Variants in DST observed in about 807,000 individuals in gnomAD.
DST encodes the protein dystonin.
DST carries 253 observed loss-of-function variants against 875.2 expected under a neutral mutation model. The observed-to-expected ratio is 0.29, with a 90% CI of 0.26 to 0.32. DST has a LOEUF of 0.32. Among genes scored for constraint, DST ranks in the 10% least tolerant of loss-of-function variants. The pLI is 1.00. For synonymous variants in DST, 3,124 were observed against 3,197.1 expected (o/e 0.98, Z 0.77); for missense variants, 8,287 against 9,111.6 (o/e 0.91, Z 3.68).
intron 17 of DST, 126 bp downstream of exon 17, chr6:56,641,821 A>T (rs747037871): frequency 1.3e-6 from 1 of 755,778 alleles, no homozygotes; most frequent in South Asian, 2.3e-5. Context: ...TGTGACACAC[A>T]TTTTCAACTA....
In DST at chr6:56,493,883, T is replaced by C. The variant is rs916905631; in HGVS notation, c.20394+127A>G. On this transcript the variant is annotated intron_variant, in intron 83 of 103. Transcript: ENST00000680361. ...CTACCCCATGAAATCTCCAAATATA[T>C]ACAAAAAATGTTTAAACATAAATCA... The C allele has an allele frequency of 3.7e-5, 25 of 684,148 alleles. No homozygotes were observed. In the Admixed American group the frequency reaches 5.7e-4, roughly 16 times the overall value. 42.4% of individuals were successfully genotyped at this position (684,148 alleles called of 1,614,324 possible).
Position 56,604,354 on chromosome 6 carries a change from T to A in DST, c.10274A>T (p.Glu3425Val). ...SGVSPMTNSSELKPESRDDPF... is the reference protein window; with the variant it reads ...SGVSPMTNSSVLKPESRDDPF... ...ATCATCTCTACTTTCTGGCTTTAGT[T>A]CTGATGAGTTAGTCATGGGGGAAAC... Residue 3425 changes from glutamate (E) to valine (V), a missense_variant, in exon 40 of 104, where the codon GAA (glutamate) becomes GTA (valine). Glu to Val is a moderately radical substitution (Grantham distance 121). This residue lies in a region of DST where 3,138 missense variants were observed against 3,116.6 expected (regional missense o/e 1.01). Transcript: ENST00000680361. 1 of 1,612,404 alleles carries A rather than the reference T, an allele frequency of 6.2e-7. No homozygotes were observed. Among genetic ancestry groups the A allele is most frequent in the African/African-American group, 1.3e-5 (1 of 74,980 alleles).
chr6:56,684,978 A>G (rs1345051611), intron 9 of DST, among the ~76,000 whole-genome samples: 1 of 149,904 alleles, frequency 6.7e-6, no homozygotes, highest in Non-Finnish European at 1.5e-5. Flanking sequence ...TCCTTAACCA[A>G]CAGCCCCCAC....
intron 2 of DST, among the ~76,000 whole-genome samples, chr6:56,934,560 T>TTA (rs60018139): frequency 0.074 from 7,850 of 106,292 alleles, 382 homozygotes; most frequent in East Asian, 0.12. Flanking sequence ...ATATATTATA[T>TTA]TATATATATA....
intron 58 of DST, among the ~76,000 whole-genome samples, chr6:56,559,565 G>A (rs2097500105): frequency 6.6e-6 from 1 of 152,052 alleles, no homozygotes. Flanking sequence ...CTTGATATGT[G>A]CCAGGTACTA....
At chr6:56,940,239 T>C (rs970839756) in intron 2 of DST, among the ~76,000 whole-genome samples, 3 of 149,998 alleles carry the variant, frequency 2.0e-5, no homozygotes, top group African/African-American at 7.4e-5. Context: ...CACACACATA[T>C]ATACATATAT....
At chr6:56,782,924 A>T (rs1202414881) in intron 4 of DST, among the ~76,000 whole-genome samples, 7 of 150,484 alleles carry the variant, frequency 4.7e-5, no homozygotes, top group South Asian at 2.2e-4. Context: ...GTATGTTGTG[A>T]CTTTGTTCTC....
chr6:56,622,388 G>A (rs1359106808), intron 36 of DST, among the ~76,000 whole-genome samples: 1 of 151,904 alleles, frequency 6.6e-6, no homozygotes, highest in Non-Finnish European at 1.5e-5. Context: ...GGCCAACATG[G>A]TGAAACCCCG....
intron 9 of DST, among the ~76,000 whole-genome samples, chr6:56,681,799 T>G (rs1291341660): frequency 6.6e-6 from 1 of 152,170 alleles, no homozygotes; most frequent in African/African-American, 2.4e-5. Context: ...CTGCATTAAT[T>G]CATTAAGGAG....
At chr6:56,847,002 C>CAAAAAA (rs569665465) in intron 4 of DST, among the ~76,000 whole-genome samples, 1 of 52,004 alleles carries the variant, frequency 1.9e-5, no homozygotes, top group African/African-American at 6.7e-5. Context: ...GACCCTGTCT[C>CAAAAAA]AAAAAAAAAA....
At chr6:56,572,623 T>C in intron 52 of DST, 124 bp downstream of exon 52, 4 of 714,670 alleles carry the variant, frequency 5.6e-6, no homozygotes, top group African/African-American at 1.8e-5. Flanking sequence ...GAGTAAAACA[T>C]AGATCTTTAC....
In DST at chr6:56,779,265, T is replaced by C. The variant is rs139989629; in HGVS notation, c.626-43976A>G. On this transcript the variant is annotated intron_variant, in intron 4 of 103. Transcript: ENST00000680361. Reference sequence around the variant, plus strand: ...TTTCCTGTAAATTTGCTGGAGTTCATTGTAGATTCTGGATATTAGCCCTTT... The same window carrying C: ...TTTCCTGTAAATTTGCTGGAGTTCACTGTAGATTCTGGATATTAGCCCTTT... 7.9e-3 allele frequency among the ~76,000 whole-genome samples: 1,207 copies of C among 152,206 alleles called. 25 individuals are homozygous for C. Among genetic ancestry groups the C allele is most frequent in the African/African-American group, 0.028 (1,141 of 41,448 alleles).
chr6:56,689,492 A>G (rs1431240040), intron 9 of DST, among the ~76,000 whole-genome samples: 1 of 152,170 alleles, frequency 6.6e-6, no homozygotes, highest in Non-Finnish European at 1.5e-5. Context: ...TGCCTAAAAC[A>G]TATACAATAC....
intron 64 of DST, among the ~76,000 whole-genome samples, chr6:56,531,063 T>C (rs752261270): frequency 9.2e-5 from 14 of 152,198 alleles, no homozygotes; most frequent in Non-Finnish European, 1.6e-4. Context: ...TGCACACACA[T>C]TTTTAAAAAC....
chr6:56,718,733 G>T (rs907862597), intron 5 of DST, among the ~76,000 whole-genome samples: 1 of 152,016 alleles, frequency 6.6e-6, no homozygotes, highest in African/African-American at 2.4e-5. Context: ...ACAATAAAAG[G>T]GACTGAAGGA....
At chr6:56,938,368 C>T (rs568148514) in intron 2 of DST, among the ~76,000 whole-genome samples, 1 of 152,196 alleles carries the variant, frequency 6.6e-6, no homozygotes, top group Non-Finnish European at 1.5e-5. Context: ...AAGCAACCCT[C>T]CCGTCTCAGC....
chr6:56,650,705 CTT>C (rs1339768536), intron 12 of DST, among the ~76,000 whole-genome samples: 1 of 152,110 alleles, frequency 6.6e-6, no homozygotes, highest in African/African-American at 2.4e-5. Flanking sequence ...TAAATAGCCT[CTT>C]TTATTTATGA....
chr6:56,624,619 G>C lies in DST; in HGVS notation c.4840C>G (p.Leu1614Val). Reference sequence around the variant, plus strand: ...ACCAGGGCAGTATATCGAGTCCTTAGGTCCATGAACTGCAAGTAAGGAAAA... The same window carrying C: ...ACCAGGGCAGTATATCGAGTCCTTACGTCCATGAACTGCAAGTAAGGAAAA... Reference protein sequence around the residue: ...ADLIIQEFMDLRTRYTALVTL... With the variant: ...ADLIIQEFMDVRTRYTALVTL... Residue 1614 changes from leucine to valine, a missense_variant, in exon 36 of 104, where the codon CTA (leucine) becomes GTA (valine). Leu to Val is a conservative substitution (Grantham distance 32). Transcript: ENST00000680361. 2 of 1,609,910 alleles carry C rather than the reference G, an allele frequency of 1.2e-6. No individual in the cohort carries two copies. The highest frequency in any genetic ancestry group is 1.1e-5 in the South Asian group (1 of 90,970).
intron 10 of DST, among the ~76,000 whole-genome samples, chr6:56,664,439 T>C (rs7749100): frequency 0.14 from 21,039 of 152,116 alleles, 3,374 homozygotes; most frequent in African/African-American, 0.4. Flanking sequence ...GAACCCTCTG[T>C]TTGTAACACC....
Sources: gnomAD v4.1 joint callset for allele counts (sites outside exome capture counted in the v4.1 genomes callset) on GRCh38, gnomAD v4.1.1 for gene constraint, gnomAD v4.1.1 regional missense constraint, MANE v1.5 for transcripts, NCBI Gene and HGNC (gene_info 2026-07-23, HGNC 2026-07-21) for gene names.